The following DOCK3 variants were observed in gnomAD, a reference collection of about 807,000 sequenced individuals.
DOCK3 encodes the protein dedicator of cytokinesis protein 3.
A neutral mutation model predicts 265.6 loss-of-function variants in DOCK3; 60 were observed. The ratio of observed to expected loss-of-function variants is 0.23; its 90% CI spans 0.18 to 0.28. DOCK3 has a LOEUF of 0.28. Among genes scored for constraint, DOCK3 ranks in the 10% least tolerant of loss-of-function variants. The pLI, the probability that DOCK3 is intolerant of heterozygous loss-of-function variation, is 1.00. For missense variants in DOCK3, 1,981 were observed against 2,594.3 expected, an observed-to-expected ratio of 0.76 and a Z score of 5.14; for synonymous variants, 881 against 938.0, an observed-to-expected ratio of 0.94 and a Z score of 1.11.
At chr3:51,342,204 A>G (rs896418729) in intron 38 of DOCK3, among the ~76,000 whole-genome samples, 1 of 152,258 alleles carries the variant, frequency 6.6e-6, no homozygotes, top group African/African-American at 2.4e-5. Context: ...GCTTTTGTCT[A>G]TAAATCAGAA....
chr3:51,025,061 G>A (rs1361771014), intron 5 of DOCK3, among the ~76,000 whole-genome samples: 1 of 152,202 alleles, frequency 6.6e-6, no homozygotes, highest in Non-Finnish European at 1.5e-5. Context: ...ATAACAGTGG[G>A]ATTTGAGCTT....
At chr3:50,831,587 C>T (rs532602312) in intron 2 of DOCK3, among the ~76,000 whole-genome samples, 95 of 152,280 alleles carry the variant, frequency 6.2e-4, no homozygotes, top group Non-Finnish European at 1.2e-3. Flanking sequence ...GCATAGTATT[C>T]CATGTTGTAT....
rs576163023 is a variant in DOCK3, at chr3:50,754,464, T to C, written c.38-24211T>C. Among the ~76,000 whole-genome samples the C allele has an allele frequency of 1.8e-4, 28 of 152,206 alleles. No homozygotes were observed. In the South Asian group the frequency reaches 4.6e-3, roughly 25 times the overall value. On this transcript the variant is annotated intron_variant, in intron 1 of 52. Transcript: ENST00000266037. ...TGAAATAAATAAGAAAACTTTTTAA[T>C]TGAAAAAATGTTGCGGGAACTGTAC... is the stretch of plus-strand genomic sequence containing the variant.
chr3:51,017,314 AAGTC>A lies in DOCK3; in HGVS notation c.316-47131_316-47128del, dbSNP rs991445319. On this transcript the variant is annotated intron_variant, in intron 5 of 52. Coordinates refer to ENST00000266037, the MANE Select transcript of DOCK3 (RefSeq NM_004947.5). Reference sequence around the variant, plus strand: ...TGTCAATTTTGTTTATCTTTTCAAAAAGTCAGCTTTTTGTTTCATTGATCATTTG... The same window carrying A: ...TGTCAATTTTGTTTATCTTTTCAAAAAGCTTTTTGTTTCATTGATCATTTG... Among the ~76,000 whole-genome samples, 28 of 151,446 alleles carry A rather than the reference AAGTC, an allele frequency of 1.8e-4. 1 individual carries two copies. Among genetic ancestry groups the A allele is most frequent in the African/African-American group, 5.8e-4 (24 of 41,082 alleles).
intron 1 of DOCK3, 122 bp from the exon 2 acceptor site, chr3:50,778,549 TAGAA>T: frequency 1.6e-6 from 1 of 616,330 alleles, no homozygotes; most frequent in Middle Eastern, 2.6e-4. Context: ...GCTTACACTT[TAGAA>T]AGAGGAATTA....
intron 4 of DOCK3, among the ~76,000 whole-genome samples, chr3:50,908,630 C>CAA (rs2049678547): frequency 6.6e-6 from 1 of 152,066 alleles, no homozygotes; most frequent in African/African-American, 2.4e-5. Context: ...GTGTGTTTTA[C>CAA]TTCTGATTAT....
intron 1 of DOCK3, among the ~76,000 whole-genome samples, chr3:50,777,630 T>G (rs1318655950): frequency 1.3e-5 from 2 of 152,196 alleles, no homozygotes; most frequent in African/African-American, 2.4e-5. Context: ...ATCTTTAATT[T>G]CCTTGGTTAA....
intron 1 of DOCK3, among the ~76,000 whole-genome samples, chr3:50,750,968 C>G (rs1377262836): frequency 6.6e-6 from 1 of 151,902 alleles, no homozygotes; most frequent in Admixed American, 6.6e-5. Flanking sequence ...TTTGTATGGA[C>G]AATGTAGAAT....
chr3:51,313,756 G>A (rs1302208948), intron 31 of DOCK3, among the ~76,000 whole-genome samples: 2 of 152,154 alleles, frequency 1.3e-5, no homozygotes, highest in Non-Finnish European at 2.9e-5. Flanking sequence ...TTCTGCCGGC[G>A]AGAGGGCCTT....
intron 9 of DOCK3, among the ~76,000 whole-genome samples, chr3:51,110,039 G>C (rs1392415856): frequency 6.6e-6 from 1 of 152,082 alleles, no homozygotes; most frequent in Admixed American, 6.6e-5. Flanking sequence ...ACACCTCTGT[G>C]CATGCAAACT....
intron 35 of DOCK3, among the ~76,000 whole-genome samples, chr3:51,333,605 A>G (rs1282406037): frequency 6.6e-6 from 1 of 152,112 alleles, no homozygotes; most frequent in East Asian, 1.9e-4. Flanking sequence ...AGGGCAGGGA[A>G]CAGCTGTAGG....
intron 5 of DOCK3, among the ~76,000 whole-genome samples, chr3:50,968,528 C>T (rs964460180): frequency 6.6e-5 from 10 of 151,106 alleles, no homozygotes; most frequent in Non-Finnish European, 1.5e-4. Context: ...TGCTTTTGTC[C>T]GAGAAGATAC....
At chr3:51,251,436 A>G (rs1291566650) in intron 22 of DOCK3, among the ~76,000 whole-genome samples, 1 of 152,234 alleles carries the variant, frequency 6.6e-6, no homozygotes, top group Non-Finnish European at 1.5e-5. Flanking sequence ...TCCTTGAGGA[A>G]TCACCACACT....
intron 22 of DOCK3, among the ~76,000 whole-genome samples, chr3:51,255,908 T>C (rs2079521044): frequency 6.6e-6 from 1 of 152,242 alleles, no homozygotes; most frequent in South Asian, 2.1e-4. Flanking sequence ...GTTCTGTTGC[T>C]GGCGAGGAGC....
At chr3:50,731,478 C>G (rs769789868) in intron 1 of DOCK3, among the ~76,000 whole-genome samples, 3 of 152,150 alleles carry the variant, frequency 2.0e-5, no homozygotes, top group African/African-American at 4.8e-5. Context: ...TGAAGTTATA[C>G]ATGTGTAGGG....
At chr3:51,059,200 A>G (rs1247779570) in intron 5 of DOCK3, among the ~76,000 whole-genome samples, 2 of 152,096 alleles carry the variant, frequency 1.3e-5, no homozygotes, top group Admixed American at 1.3e-4. Context: ...CTGTTTCTGC[A>G]TTAATTTTCT....
In DOCK3 at chr3:51,259,998, T is replaced by A. The variant is rs186228335; in HGVS notation, c.2185-158T>A. Among the ~76,000 whole-genome samples the A allele has an allele frequency of 7.9e-5, 12 of 152,256 alleles. No individual in the cohort carries two copies. The East Asian group carries it at 1.2e-3, about 15-fold the overall frequency. ...GACAATTTGGATATTTGAGAAAAAA[T>A]TTTTAAAAATAAAGTACCTATCTAT... is the stretch of plus-strand genomic sequence containing the variant. On this transcript the variant is annotated intron_variant, in intron 22 of 52. Transcript: ENST00000266037.
At chr3:50,760,134 T>C (rs1347333590) in intron 1 of DOCK3, among the ~76,000 whole-genome samples, 1 of 152,206 alleles carries the variant, frequency 6.6e-6, no homozygotes, top group Admixed American at 6.5e-5. Context: ...GTTATAGCTT[T>C]TACTTTTAAG....
intron 1 of DOCK3, among the ~76,000 whole-genome samples, chr3:50,726,041 A>G (rs2037802257): frequency 6.6e-6 from 1 of 152,226 alleles, no homozygotes; most frequent in Non-Finnish European, 1.5e-5. Context: ...GTATTTGCAT[A>G]TAACCTGTGC....
Sources: gnomAD v4.1 joint callset for allele counts (sites outside exome capture counted in the v4.1 genomes callset) on GRCh38, gnomAD v4.1.1 for gene constraint, MANE v1.5 for transcripts, NCBI Gene and HGNC (gene_info 2026-07-23, HGNC 2026-07-21) for gene names.